CTNNA3: variants seen among roughly 807,000 people sequenced by gnomAD.
CTNNA3 encodes the protein catenin alpha 3.
In CTNNA3, 76 loss-of-function variants were observed where a neutral mutation model predicts 95.7. That is an observed-to-expected ratio of 0.79 (90% CI 0.66 to 0.96). CTNNA3 has a LOEUF of 0.96. Among genes scored for constraint, CTNNA3 ranks in the 40% least tolerant of loss-of-function variants. The pLI, the probability that CTNNA3 is intolerant of heterozygous loss-of-function variation, is 0.00. For synonymous variants in CTNNA3, 431 were observed against 374.4 expected (o/e 1.15, Z -1.74); for missense variants, 1,191 against 1,089.8 (o/e 1.09, Z -1.31).
At chr10:67,140,056 C>A (rs994696421) in intron 7 of CTNNA3, among the ~76,000 whole-genome samples, 1 of 152,152 alleles carries the variant, frequency 6.6e-6, no homozygotes, top group African/African-American at 2.4e-5. Context: ...TTAGGAAAAT[C>A]TCTTACTAAA....
chr10:66,699,974 T>A (rs1847890939), intron 9 of CTNNA3, among the ~76,000 whole-genome samples: 1 of 152,172 alleles, frequency 6.6e-6, no homozygotes, highest in African/African-American at 2.4e-5. Flanking sequence ...GTCATTTTTT[T>A]TAAATCAAGT....
chr10:67,370,036 A>G (rs1018165784), intron 5 of CTNNA3, among the ~76,000 whole-genome samples: 3 of 152,178 alleles, frequency 2.0e-5, no homozygotes, highest in Non-Finnish European at 2.9e-5. Flanking sequence ...AAGTGTATGT[A>G]TGTATATATG....
chr10:67,108,707 C>T (rs2131964261), intron 7 of CTNNA3, among the ~76,000 whole-genome samples: 1 of 152,270 alleles, frequency 6.6e-6, no homozygotes, highest in East Asian at 1.9e-4. Context: ...GGTCTGTCTA[C>T]AGGCTCCACA....
Position 66,605,723 on chromosome 10 carries a change from G to C in CTNNA3, c.1374+15969C>G, listed in dbSNP as rs147797072. Among the ~76,000 whole-genome samples, 7 of 152,160 alleles carry C rather than the reference G, an allele frequency of 4.6e-5. No homozygotes were observed. The East Asian group carries it at 1.4e-3, about 30-fold the overall frequency. On this transcript the variant is annotated intron_variant, in intron 10 of 17. Coordinates refer to ENST00000433211, the MANE Select transcript of CTNNA3 (RefSeq NM_013266.4). ...CAGCCAAACTAAGCTTCATAATTGA[G>C]GTAGAAATAAGATCCTTTTCACACA...
chr10:66,218,391 ATC>A (rs143916794), intron 13 of CTNNA3, among the ~76,000 whole-genome samples: 11 of 151,464 alleles, frequency 7.3e-5, no homozygotes, highest in African/African-American at 2.7e-4. Flanking sequence ...CTGTGGTTTC[ATC>A]TCTCTCTCTC....
At chr10:67,245,954 C>G (rs1865888406) in intron 5 of CTNNA3, among the ~76,000 whole-genome samples, 1 of 151,736 alleles carries the variant, frequency 6.6e-6, no homozygotes, top group Non-Finnish European at 1.5e-5. Flanking sequence ...CCTTTTGGCT[C>G]TCATTCTAGA....
intron 6 of CTNNA3, among the ~76,000 whole-genome samples, chr10:67,212,496 C>A (rs1445166694): frequency 6.6e-6 from 1 of 151,786 alleles, no homozygotes; most frequent in Non-Finnish European, 1.5e-5. Context: ...ACATGTATTA[C>A]TATAATTTAC....
intron 5 of CTNNA3, among the ~76,000 whole-genome samples, chr10:67,514,979 C>G (rs911661576): frequency 1.3e-5 from 2 of 152,020 alleles, no homozygotes; most frequent in Non-Finnish European, 2.9e-5. Flanking sequence ...AGACAACAGA[C>G]GGAAACAGAA....
intron 13 of CTNNA3, among the ~76,000 whole-genome samples, chr10:66,104,777 T>A (rs2081817788): frequency 6.6e-6 from 1 of 152,212 alleles, no homozygotes; most frequent in Non-Finnish European, 1.5e-5. Flanking sequence ...TGCTGAAGAC[T>A]GGAAATGGGC....
intron 12 of CTNNA3, among the ~76,000 whole-genome samples, chr10:66,350,589 G>A (rs1158464002): frequency 4.1e-5 from 6 of 145,262 alleles, no homozygotes; most frequent in African/African-American, 1.5e-4. Flanking sequence ...AAAAATGATG[G>A]GAAATTGGAA....
chr10:66,597,757 A>C (rs1393543207), intron 10 of CTNNA3, among the ~76,000 whole-genome samples: 2 of 151,286 alleles, frequency 1.3e-5, no homozygotes, highest in African/African-American at 4.9e-5. Flanking sequence ...TCTGTCAATC[A>C]ATGATACTTT....
intron 14 of CTNNA3, chr10:66,084,872 T>C (rs1402438400): frequency 6.6e-6 from 1 of 152,108 alleles, no homozygotes; most frequent in African/African-American, 2.4e-5. Flanking sequence ...TTATTTAAGG[T>C]GATATGTAAC....
In CTNNA3 at chr10:66,172,622, T is replaced by C. The variant is rs140087104; in HGVS notation, c.1885-69373A>G. ...GGTAATTTTTCATTCATTGCATCTA[T>C]GATAAATTGATGGTATTTCTTTAGG... On this transcript the variant is annotated intron_variant, in intron 13 of 17. Coordinates refer to ENST00000433211, the MANE Select transcript of CTNNA3 (RefSeq NM_013266.4). Among the ~76,000 whole-genome samples, 496 of 152,278 alleles carry C rather than the reference T, an allele frequency of 3.3e-3. 3 individuals are homozygous for C. Among genetic ancestry groups the C allele is most frequent in the South Asian group, 0.024 (117 of 4,828 alleles).
chr10:67,110,023 A>G (rs10458634), intron 7 of CTNNA3, among the ~76,000 whole-genome samples: 29,044 of 152,098 alleles, frequency 0.19, 4,767 homozygotes, highest in African/African-American at 0.45. Flanking sequence ...AAAGGCAGCC[A>G]TGAGAATTCC....
rs944605692 is a variant in CTNNA3, at chr10:67,272,178, G to A, written c.580-52308C>T. 3.9e-5 allele frequency among the ~76,000 whole-genome samples: 6 copies of A among 152,038 alleles called. No individual in the cohort carries two copies. In the South Asian group the frequency reaches 6.2e-4, roughly 16 times the overall value. ...ACTATTCTATAATTCTGAAGTTGCC[G>A]TAATTTCTCAAGTTAAAATACCCTG... On this transcript the variant is annotated intron_variant, in intron 5 of 17. Transcript: ENST00000433211.
intron 11 of CTNNA3, among the ~76,000 whole-genome samples, chr10:66,517,236 A>G (rs764035290): frequency 2.6e-5 from 4 of 152,030 alleles, no homozygotes; most frequent in Non-Finnish European, 5.9e-5. Flanking sequence ...AAATAAATAA[A>G]TAAATAAAAT....
At chr10:67,587,357 G>A (rs1368993542) in intron 3 of CTNNA3, among the ~76,000 whole-genome samples, 2 of 151,982 alleles carry the variant, frequency 1.3e-5, no homozygotes, top group Non-Finnish European at 2.9e-5. Context: ...ACCATGCTCA[G>A]CCTAAGTTCA....
At chr10:66,846,137 A>AAG (rs1419417263) in intron 7 of CTNNA3, among the ~76,000 whole-genome samples, 1 of 151,202 alleles carries the variant, frequency 6.6e-6, no homozygotes, top group African/African-American at 2.5e-5. Context: ...GTCTCAAAAA[A>AAG]AAGGGAAATC....
At chr10:66,857,049 T>C (rs776725290) in intron 7 of CTNNA3, among the ~76,000 whole-genome samples, 1 of 152,260 alleles carries the variant, frequency 6.6e-6, no homozygotes. Flanking sequence ...GTTTTCCATT[T>C]AAGTCTTAAT....
Sources: gnomAD v4.1 joint callset for allele counts (sites outside exome capture counted in the v4.1 genomes callset) on GRCh38, gnomAD v4.1.1 for gene constraint, MANE v1.5 for transcripts, NCBI Gene and HGNC (gene_info 2026-07-23, HGNC 2026-07-21) for gene names.